Variants in UBXN7 observed in about 807,000 individuals in gnomAD.
UBXN7 encodes the protein UBX domain-containing protein 7.
In UBXN7, 9 loss-of-function variants were observed where a neutral mutation model predicts 58.0. That is an observed-to-expected ratio of 0.16 (90% confidence interval 0.09 to 0.27). The LOEUF (loss-of-function observed/expected upper bound fraction) is 0.27, where lower values mean the gene tolerates loss of function less well. Among genes scored for constraint, UBXN7 ranks in the 10% least tolerant of loss-of-function variants. UBXN7 has a pLI of 1.00. For missense variants in UBXN7, 328 were observed against 599.6 expected (o/e 0.55, Z 4.73); for synonymous variants, 208 against 205.0 (o/e 1.01, Z -0.12).
At chr3:196,424,683 G>GCCT (rs1304880876) in intron 1 of UBXN7, among the ~76,000 whole-genome samples, 1 of 146,720 alleles carries the variant, frequency 6.8e-6, no homozygotes, top group Non-Finnish European at 1.5e-5. Flanking sequence ...ACTAGGCCTC[G>GCCT]CCTCATCCAT....
At chr3:196,403,251 G>C (rs1192274989) in intron 2 of UBXN7, among the ~76,000 whole-genome samples, 1 of 152,052 alleles carries the variant, frequency 6.6e-6, no homozygotes, top group African/African-American at 2.4e-5. Flanking sequence ...TCCACCTCCC[G>C]AGTTAAAGCA....
At chr3:196,389,536 G>C (rs547510913) in intron 5 of UBXN7, among the ~76,000 whole-genome samples, 2 of 152,262 alleles carry the variant, frequency 1.3e-5, no homozygotes, top group South Asian at 2.1e-4. Flanking sequence ...CAGTGTTGGG[G>C]GTGGGGCCTC....
At chr3:196,418,883 C>T (rs1730587807) in intron 1 of UBXN7, among the ~76,000 whole-genome samples, 1 of 152,180 alleles carries the variant, frequency 6.6e-6, no homozygotes, top group Non-Finnish European at 1.5e-5. Flanking sequence ...ACTACTTTGC[C>T]ATCCTATCTA....
intron 1 of UBXN7, among the ~76,000 whole-genome samples, chr3:196,429,681 A>C (rs1403153938): frequency 4.6e-5 from 7 of 152,204 alleles, no homozygotes; most frequent in Admixed American, 4.6e-4. Context: ...GAGAACCCCA[A>C]AAAAATTTTA....
chr3:196,403,154 C>T, intron 2 of UBXN7, 135 bp from the exon 3 acceptor site: 1 of 935,572 alleles, frequency 1.1e-6, no homozygotes, highest in Non-Finnish European at 1.5e-6. Flanking sequence ...TTTTGTGTTG[C>T]TATTTTTTTG....
At chr3:196,399,670 T>C (rs1729897147) in intron 3 of UBXN7, among the ~76,000 whole-genome samples, 1 of 152,174 alleles carries the variant, frequency 6.6e-6, no homozygotes, top group African/African-American at 2.4e-5. Flanking sequence ...CAACTCCTGG[T>C]TGCAAGTGAT....
chr3:196,416,954 C>T (rs968651570), intron 1 of UBXN7, among the ~76,000 whole-genome samples: 8 of 152,142 alleles, frequency 5.3e-5, no homozygotes, highest in Admixed American at 5.2e-4. Flanking sequence ...TGCAGTACCA[C>T]GTGAGGGCAA....
chr3:196,374,682 A>C (rs573465673), intron 5 of UBXN7, among the ~76,000 whole-genome samples: 43 of 150,464 alleles, frequency 2.9e-4, no homozygotes, highest in African/African-American at 1.1e-3. Context: ...GGAGTTCAAG[A>C]CCAGCCTGGT....
intron 5 of UBXN7, among the ~76,000 whole-genome samples, chr3:196,372,920 T>C (rs1728885629): frequency 6.6e-6 from 1 of 151,824 alleles, no homozygotes; most frequent in Non-Finnish European, 1.5e-5. Flanking sequence ...TAATTTTTTA[T>C]ATATTTTTAG....
chr3:196,412,838 C>T (rs1730374424), intron 1 of UBXN7, among the ~76,000 whole-genome samples: 1 of 152,126 alleles, frequency 6.6e-6, no homozygotes, highest in South Asian at 2.1e-4. Context: ...TATGATTCTA[C>T]TTATGTGAGA....
In UBXN7 at chr3:196,418,689, G is replaced by T. The variant is rs75287673; in HGVS notation, c.74-11296C>A. The stretch of plus-strand genomic sequence containing the variant: ...AGAAAACTAAATACAAGTACAGTAT[G>T]TATGTATTCTAGAATTTCTAAAGAT... On this transcript the variant is annotated intron_variant, in intron 1 of 10. Coordinates refer to ENST00000296328, the MANE Select transcript of UBXN7 (RefSeq NM_015562.2). Among the ~76,000 whole-genome samples the T allele has an allele frequency of 9.2e-5, 14 of 152,324 alleles. No individual in the cohort carries two copies. In the East Asian group the frequency reaches 2.5e-3, roughly 27 times the overall value.
intron 6 of UBXN7, among the ~76,000 whole-genome samples, chr3:196,370,767 T>G (rs1728803967): frequency 7.0e-6 from 1 of 142,998 alleles, no homozygotes; most frequent in African/African-American, 2.6e-5. Context: ...ATGCCTATAA[T>G]CCCAGCACTT....
At chr3:196,374,496 T>A (rs1043385658) in intron 5 of UBXN7, among the ~76,000 whole-genome samples, 1 of 152,020 alleles carries the variant, frequency 6.6e-6, no homozygotes, top group African/African-American at 2.4e-5. Context: ...CTAACCACAT[T>A]GAAGATATTG....
chr3:196,407,165 G>A, intron 2 of UBXN7, 81 bp downstream of exon 2: 2 of 1,528,984 alleles, frequency 1.3e-6, no homozygotes, highest in Non-Finnish European at 1.8e-6. Context: ...CAAAACCAGA[G>A]AATCGACCTA....
intron 5 of UBXN7, among the ~76,000 whole-genome samples, chr3:196,388,446 A>C (rs547401347): frequency 6.6e-6 from 1 of 151,028 alleles, no homozygotes; most frequent in East Asian, 2.0e-4. Context: ...TTAAAGTATA[A>C]TAAAAGAAAT....
intron 5 of UBXN7, among the ~76,000 whole-genome samples, chr3:196,387,051 C>T (rs1046368687): frequency 2.0e-5 from 3 of 152,052 alleles, no homozygotes; most frequent in African/African-American, 7.2e-5. Context: ...TACAAGGCTA[C>T]AGTAACCAAA....
intron 1 of UBXN7, among the ~76,000 whole-genome samples, chr3:196,409,319 C>T (rs939712401): frequency 6.6e-6 from 1 of 152,050 alleles, no homozygotes; most frequent in African/African-American, 2.4e-5. Flanking sequence ...TTTCTTCAAA[C>T]ATATTAACCC....
rs569608011 is a variant in UBXN7 at position 196,401,370 on chromosome 3, TAAA to T, written c.289+1579_289+1581del. 6.5e-4 allele frequency among the ~76,000 whole-genome samples: 81 copies of T among 125,010 alleles called. 1 individual carries two copies. The South Asian group carries it at 0.017, about 27-fold the overall frequency. 82.0% of individuals were successfully genotyped at this position (125,010 alleles called of 152,430 possible). On this transcript the variant is annotated intron_variant, in intron 3 of 10. Transcript: ENST00000296328. ...AAAAAATAAAAATTAAAAAAATAAA[TAAA>T]AAGGTTTATCTCATAAAAACTCTCA... is the stretch of plus-strand genomic sequence containing the variant.
At chr3:196,421,467 G>C (rs1730683060) in intron 1 of UBXN7, among the ~76,000 whole-genome samples, 1 of 152,126 alleles carries the variant, frequency 6.6e-6, no homozygotes, top group African/African-American at 2.4e-5. Context: ...TAAAAGTTGG[G>C]GCTTGAAAGA....
Sources: allele counts gnomAD v4.1 joint callset (sites outside exome capture counted in the v4.1 genomes callset), GRCh38; gene constraint gnomAD v4.1.1; transcripts MANE v1.5; gene names NCBI Gene and HGNC (gene_info 2026-07-23, HGNC 2026-07-21).